Variants in PCCB observed in about 807,000 individuals in gnomAD.
PCCB encodes propionyl-CoA carboxylase beta chain, mitochondrial.
Under a neutral mutation model 60.7 loss-of-function variants are expected in PCCB, and 43 were observed. That is an observed-to-expected ratio of 0.71 (90% CI 0.55 to 0.91). PCCB has a LOEUF of 0.91. Ranked by LOEUF, PCCB falls within the 40% of genes least tolerant of loss-of-function variation. The pLI is 0.00. For synonymous variants in PCCB, 276 were observed against 255.9 expected, an observed-to-expected ratio of 1.08 and a Z score of -0.75; for missense variants, 766 against 702.8, an observed-to-expected ratio of 1.09 and a Z score of -1.02.
intron 9 of PCCB, among the ~76,000 whole-genome samples, chr3:136,301,335 A>G (rs1385638087): frequency 6.6e-6 from 1 of 152,142 alleles, no homozygotes; most frequent in Non-Finnish European, 1.5e-5. Flanking sequence ...GGCTGGAGAT[A>G]GGAGTAGTAA....
At chr3:136,284,753 G>T (rs1217051284) in intron 6 of PCCB, among the ~76,000 whole-genome samples, 1 of 152,130 alleles carries the variant, frequency 6.6e-6, no homozygotes, top group African/African-American at 2.4e-5. Context: ...TATACCGAAA[G>T]TAGTGTAAGT....
chr3:136,310,361 CT>C (rs1334670205), intron 9 of PCCB, among the ~76,000 whole-genome samples: 1 of 147,014 alleles, frequency 6.8e-6, no homozygotes, highest in Non-Finnish European at 1.5e-5. Context: ...GAAACTCCAT[CT>C]AAAAAAAAAA....
rs988104362 is a variant in PCCB at position 136,305,980 on chromosome 3, A to G, written c.966+4869A>G. On this transcript the variant is annotated intron_variant, in intron 9 of 14. Coordinates refer to ENST00000251654, the MANE Select transcript of PCCB (RefSeq NM_000532.5). ...CTGCAAGACATACAAAATCGAATACACTGAAGGACACTACATCTTTCCCCA... is the reference window on the plus strand; with the variant it reads ...CTGCAAGACATACAAAATCGAATACGCTGAAGGACACTACATCTTTCCCCA... Among the ~76,000 whole-genome samples the G allele has an allele frequency of 4.9e-5, 6 of 121,316 alleles. 1 individual carries two copies. The highest frequency in any genetic ancestry group is 1.1e-4 in the Non-Finnish European group (6 of 54,564). 79.6% of individuals were successfully genotyped at this position (121,316 alleles called of 152,430 possible).
chr3:136,286,962 C>A (rs560283019), intron 6 of PCCB, among the ~76,000 whole-genome samples: 1 of 150,778 alleles, frequency 6.6e-6, no homozygotes, highest in African/African-American at 2.4e-5. Flanking sequence ...ACCTGAGAGG[C>A]GGAGGTTGCA....
Position 136,283,950 on chromosome 3 carries a change from A to C in PCCB, c.654+3A>C, listed in dbSNP as rs199886085. 5.5e-4 allele frequency: 867 copies of C among 1,584,326 alleles called. 7 individuals are homozygous for C. In the South Asian group the frequency reaches 6.6e-3, roughly 12 times the overall value. On this transcript the variant is annotated splice_donor_region_variant and intron_variant, in intron 6 of 14. Transcript: ENST00000251654. Reference sequence around the variant, plus strand: ...CAGACTTCACGTTCATGGTAAAGGTAAGAAAGAAGGGCCTGTTTTTGGTGC... The same window carrying C: ...CAGACTTCACGTTCATGGTAAAGGTCAGAAAGAAGGGCCTGTTTTTGGTGC...
At chr3:136,260,308 A>C in intron 3 of PCCB, 171 bp from the exon 4 acceptor site, 1 of 688,602 alleles carries the variant, frequency 1.5e-6, no homozygotes, top group South Asian at 1.5e-5. Flanking sequence ...AGACTCCTGG[A>C]CTCAAGCCAT....
At chr3:136,318,166 G>A (rs1221454176) in intron 10 of PCCB, among the ~76,000 whole-genome samples, 2 of 152,108 alleles carry the variant, frequency 1.3e-5, no homozygotes, top group Admixed American at 6.5e-5. Context: ...GTGAAACCCT[G>A]TCTCTACTAA....
intron 5 of PCCB, among the ~76,000 whole-genome samples, chr3:136,275,432 C>G (rs1026102128): frequency 6.6e-6 from 1 of 151,744 alleles, no homozygotes; most frequent in African/African-American, 2.4e-5. Context: ...CTGATTATTT[C>G]AAATATTTCG....
intron 4 of PCCB, among the ~76,000 whole-genome samples, chr3:136,261,181 G>A (rs970246866): frequency 5.9e-5 from 9 of 152,210 alleles, no homozygotes; most frequent in Admixed American, 3.9e-4. Context: ...AGAACAGTGC[G>A]AGCATTGTAT....
chr3:136,295,831 TGA>T (rs1933907103), intron 7 of PCCB, among the ~76,000 whole-genome samples: 1 of 151,594 alleles, frequency 6.6e-6, no homozygotes, highest in African/African-American at 2.4e-5. Flanking sequence ...TTATGTAACC[TGA>T]GTTTTTTTTT....
At chr3:136,269,986 G>T (rs1386474860) in intron 5 of PCCB, among the ~76,000 whole-genome samples, 2 of 149,410 alleles carry the variant, frequency 1.3e-5, no homozygotes, top group African/African-American at 4.9e-5. Flanking sequence ...GATGTTAACT[G>T]GTGTGTGTTT....
intron 5 of PCCB, among the ~76,000 whole-genome samples, chr3:136,278,214 T>C (rs1336178210): frequency 2.0e-5 from 3 of 152,184 alleles, no homozygotes; most frequent in East Asian, 1.9e-4. Flanking sequence ...GGTTAAGGCC[T>C]TCCCCCATGG....
At chr3:136,269,994 T>TG (rs1431124665) in intron 5 of PCCB, among the ~76,000 whole-genome samples, 73 of 130,126 alleles carry the variant, frequency 5.6e-4, no homozygotes, top group African/African-American at 1.4e-3. Flanking sequence ...CTGGTGTGTG[T>TG]TTTTTTTTTT....
At chr3:136,321,951 C>T (rs755094152) in intron 10 of PCCB, among the ~76,000 whole-genome samples, 13 of 152,124 alleles carry the variant, frequency 8.5e-5, no homozygotes, top group Non-Finnish European at 1.5e-4. Flanking sequence ...TGATTTCTTC[C>T]TTCTCAATGT....
chr3:136,317,285 G>T (rs553563456), intron 10 of PCCB, among the ~76,000 whole-genome samples: 1 of 132,488 alleles, frequency 7.5e-6, no homozygotes, highest in East Asian at 2.3e-4. Context: ...GCAGTGGTGT[G>T]ATCTCAGCAC....
At chr3:136,265,830 GTT>G (rs112091595) in intron 5 of PCCB, among the ~76,000 whole-genome samples, 2 of 141,548 alleles carry the variant, frequency 1.4e-5, no homozygotes, top group African/African-American at 2.6e-5. Context: ...GTCTTTTTTT[GTT>G]TTTTTTTTTT....
intron 3 of PCCB, chr3:136,259,180 T>C: frequency 6.8e-7 from 1 of 1,460,728 alleles, no homozygotes; most frequent in Non-Finnish European, 9.0e-7. Context: ...AAACAGCAAA[T>C]AATAGGCTGG....
chr3:136,330,129 A>C lies in PCCB; in HGVS notation c.*103A>C, dbSNP rs895645402. 2 of 1,581,094 alleles carry C rather than the reference A, an allele frequency of 1.3e-6. No individual in the cohort carries two copies. The highest frequency in any genetic ancestry group is 4.6e-5 in the East Asian group (2 of 43,826). ...GAAACCTGGGAATCCAAATAGTTGGATAACTTAGAATAACTAAGTTTATTA... is the reference window on the plus strand; with the variant it reads ...GAAACCTGGGAATCCAAATAGTTGGCTAACTTAGAATAACTAAGTTTATTA... On this transcript the variant is annotated 3_prime_UTR_variant, in exon 15 of 15. Transcript: ENST00000251654.
intron 9 of PCCB, among the ~76,000 whole-genome samples, chr3:136,307,460 C>T (rs1474806780): frequency 1.3e-5 from 2 of 151,936 alleles, no homozygotes; most frequent in East Asian, 1.9e-4. Context: ...TTATTGTTAG[C>T]TAACAGATAT....
Sources: allele counts gnomAD v4.1 joint callset (sites outside exome capture counted in the v4.1 genomes callset), GRCh38; gene constraint gnomAD v4.1.1; transcripts MANE v1.5; gene names NCBI Gene and HGNC (gene_info 2026-07-23, HGNC 2026-07-21).